HUWE1: variants seen among roughly 807,000 people sequenced by gnomAD.
HUWE1 encodes the protein E3 ubiquitin-protein ligase HUWE1.
In HUWE1, 18 loss-of-function variants were observed where a neutral mutation model predicts 299.4. The observed-to-expected ratio is 0.06, with a 90% confidence interval of 0.04 to 0.09. The LOEUF (loss-of-function observed/expected upper bound fraction) is 0.09. HUWE1 is among the 10% of genes least tolerant of loss of function. The probability of loss-of-function intolerance (pLI) is 1.00; values close to 1 mark genes in which losing one functional copy is unlikely to be tolerated. For synonymous variants in HUWE1, 1,317 were observed against 1,286.1 expected (o/e 1.02, Z -0.51); for missense variants, 1,832 against 3,462.3 (o/e 0.53, Z 11.82).
At chrX:53,668,206 G>A (rs2069343246) in intron 3 of HUWE1, among the ~76,000 whole-genome samples, 1 of 110,370 alleles carries the variant, frequency 9.1e-6, no homozygotes, top group Admixed American at 9.7e-5. Flanking sequence ...CACTTTGGGA[G>A]GCTGAGGTGG....
intron 83 of HUWE1, 40 bp downstream of exon 83, chrX:53,533,967 A>G: frequency 8.6e-7 from 1 of 1,159,091 alleles, no homozygotes; most frequent in Non-Finnish European, 1.2e-6. Flanking sequence ...TGCAAGCTCA[A>G]CCTAAGCACT....
rs112115563 is a variant in HUWE1, at chrX:53,608,997, G to C, written c.2262-88C>G. 4 of 585,071 alleles carry C rather than the reference G, an allele frequency of 6.8e-6. No individual in the cohort carries two copies. In the African/African-American group the frequency reaches 8.9e-5, roughly 13 times the overall value. 48.2% of individuals were successfully genotyped at this position (585,071 alleles called of 1,213,427 possible). On this transcript the variant is annotated intron_variant, in intron 23 of 83. Transcript: ENST00000262854. ...GGAGGAGGCACTGTATAAAATTCTAGGCCTTTTTCTATTTATTTATTTATT... is the reference window on the plus strand; with the variant it reads ...GGAGGAGGCACTGTATAAAATTCTACGCCTTTTTCTATTTATTTATTTATT...
chrX:53,586,999 A>G lies in HUWE1; in HGVS notation c.4615-90T>C, dbSNP rs1159614205. On this transcript the variant is annotated intron_variant, in intron 37 of 83. Coordinates refer to ENST00000262854, the MANE Select transcript of HUWE1 (RefSeq NM_031407.7). ...AGCATGGGATAGGGGAGGGGAACAT[A>G]AGGGTAAATAATAATAGAATTGGTT... 3.1e-6 allele frequency: 3 copies of G among 971,895 alleles called. No homozygotes were observed. The Admixed American group carries it at 6.7e-5, about 22-fold the overall frequency. 80.1% of individuals were successfully genotyped at this position (971,895 alleles called of 1,213,427 possible).
chrX:53,659,995 G>C (rs1049437002), intron 3 of HUWE1, among the ~76,000 whole-genome samples: 8 of 112,269 alleles, frequency 7.1e-5, no homozygotes, highest in African/African-American at 2.6e-4. Flanking sequence ...TAAGCAACTT[G>C]CTCTAATGCT....
Position 53,631,611 on chromosome X carries a change from T to A in HUWE1, c.649A>T (p.Thr217Ser). The A allele has an allele frequency of 8.5e-7, 1 of 1,182,216 alleles. No individual in the cohort carries two copies. Among genetic ancestry groups the A allele is most frequent in the Non-Finnish European group, 1.1e-6 (1 of 869,642 alleles). Residue 217 changes from threonine (T) to serine (S), a missense_variant, in exon 10 of 84, where the codon ACT becomes TCT. Transcript: ENST00000262854. ...GAEVKIEKRT[T>S]SNTLHYIHIE... is the part of the protein sequence containing the mutation. Reference sequence around the variant, plus strand: ...TGAATATAATGTAGTGTGTTACTAGTTGTCTAAAATTAAAAAAGACAAGAG... The same window carrying A: ...TGAATATAATGTAGTGTGTTACTAGATGTCTAAAATTAAAAAAGACAAGAG...
intron 40 of HUWE1, among the ~76,000 whole-genome samples, 191 bp from the exon 41 acceptor site, chrX:53,584,536 A>C (rs1556971321): frequency 9.0e-6 from 1 of 111,548 alleles, no homozygotes; most frequent in Admixed American, 9.5e-5. Flanking sequence ...AGGCCTTATA[A>C]TGAACTGTAG....
At chrX:53,594,454 T>C in intron 31 of HUWE1, 45 bp downstream of exon 31, 1 of 1,197,851 alleles carries the variant, frequency 8.3e-7, no homozygotes, top group Non-Finnish European at 1.1e-6. Flanking sequence ...ACAGCAAAGA[T>C]CAAACTCCAA....
At chrX:53,680,325 C>A in intron 2 of HUWE1, 139 bp from the exon 3 acceptor site, 1 of 270,544 alleles carries the variant, frequency 3.7e-6, no homozygotes. Context: ...TATCTATTTG[C>A]ATTTTTTAGG....
intron 12 of HUWE1, among the ~76,000 whole-genome samples, chrX:53,630,272 G>A (rs2066784341): frequency 8.9e-6 from 1 of 112,118 alleles, no homozygotes; most frequent in African/African-American, 3.2e-5. Flanking sequence ...TTTAAGAGAA[G>A]GCAAGTCATA....
At chrX:53,630,354 T>A (rs184967028) in intron 12 of HUWE1, among the ~76,000 whole-genome samples, 1 of 111,922 alleles carries the variant, frequency 8.9e-6, no homozygotes, top group Non-Finnish European at 1.9e-5. Context: ...CTGTGCTAGA[T>A]TGCTTTCTAG....
chrX:53,604,561 A>T, intron 26 of HUWE1, 28 bp downstream of exon 26: 1 of 1,205,680 alleles, frequency 8.3e-7, no homozygotes, highest in East Asian at 3.0e-5. Flanking sequence ...CTTTAAATTA[A>T]TATGTTCACC....
intron 48 of HUWE1, among the ~76,000 whole-genome samples, chrX:53,569,149 C>T (rs1218411865): frequency 9.0e-6 from 1 of 111,260 alleles, no homozygotes; most frequent in African/African-American, 3.3e-5. Context: ...ACCTCAGCCT[C>T]CCGAGTAGCT....
At chrX:53,548,832 A>T in intron 67 of HUWE1, 127 bp downstream of exon 67, 1 of 588,400 alleles carries the variant, frequency 1.7e-6, no homozygotes, top group Non-Finnish European at 2.8e-6. Flanking sequence ...TCCCCTAGAA[A>T]CAATACAGGG....
intron 43 of HUWE1, among the ~76,000 whole-genome samples, chrX:53,577,536 C>T (rs781877124): frequency 9.8e-6 from 1 of 102,539 alleles, no homozygotes; most frequent in East Asian, 3.2e-4. Flanking sequence ...CCTCTCCCCA[C>T]GGTCTCCTTC....
In HUWE1 at chrX:53,575,687, G is replaced by A. The variant is rs1602749982; in HGVS notation, c.5986C>T (p.Arg1996Cys). ...DVYQQYRSLT[R>C]QSSDFDTQSG... ...TGCGTATCAAAGTCACTGCTCTGACGCGTAAGTGACCGGTACTGCTGGTAT... is the reference window on the plus strand; with the variant it reads ...TGCGTATCAAAGTCACTGCTCTGACACGTAAGTGACCGGTACTGCTGGTAT... Residue 1996 changes from arginine (R) to cysteine (C), a missense_variant, in exon 45 of 84, where the codon CGT becomes TGT. Coordinates refer to ENST00000262854, the MANE Select transcript of HUWE1 (RefSeq NM_031407.7). 1.7e-5 allele frequency: 20 copies of A among 1,210,886 alleles called. No individual in the cohort carries two copies. Among genetic ancestry groups the A allele is most frequent in the Non-Finnish European group, 2.2e-5 (20 of 894,487 alleles).
chrX:53,545,574 G>A (rs1052665156), intron 70 of HUWE1, among the ~76,000 whole-genome samples: 3 of 111,760 alleles, frequency 2.7e-5, no homozygotes, highest in East Asian at 5.6e-4. Flanking sequence ...ACCTCATAAC[G>A]TTGCTGTGAC....
chrX:53,536,711 C>G (rs192029461), intron 78 of HUWE1, 44 bp from the exon 79 acceptor site: 21 of 1,089,004 alleles, frequency 1.9e-5, no homozygotes, highest in Non-Finnish European at 2.7e-5. Flanking sequence ...GCAGAAAACC[C>G]AGGATACATC....
Position 53,583,608 on chromosome X carries a change from A to C in HUWE1, c.5470T>G (p.Leu1824Val), listed in dbSNP as rs782742135. ...NGFTPLVTLLLRHIIEDPCTL... is the reference protein window; with the variant it reads ...NGFTPLVTLLVRHIIEDPCTL... ...CAGGGGTCCTCAATGATGTGTCTTA[A>C]GAGAAGGGTGACCAGGGGAGTAAAC... is the stretch of plus-strand genomic sequence containing the variant. Residue 1824 changes from leucine (L) to valine (V), a missense_variant, in exon 42 of 84, where the codon TTA (leucine) becomes GTA (valine). Transcript: ENST00000262854. The C allele has an allele frequency of 1.7e-6, 2 of 1,211,111 alleles. No homozygotes were observed. Among genetic ancestry groups the C allele is most frequent in the South Asian group, 3.5e-5 (2 of 56,966 alleles).
chrX:53,634,732 GCACTAGGGAGGAAAT>G (rs1388566324), intron 7 of HUWE1, among the ~76,000 whole-genome samples: 6 of 112,400 alleles, frequency 5.3e-5, no homozygotes, highest in Non-Finnish European at 5.6e-5. Flanking sequence ...AGGGAGGAAA[GCACTAGGGAGGAAAT>G]CATGCTTTCC....
Sources: allele counts gnomAD v4.1 joint callset (sites outside exome capture counted in the v4.1 genomes callset), GRCh38; gene constraint gnomAD v4.1.1; transcripts MANE v1.5; gene names NCBI Gene and HGNC (gene_info 2026-07-23, HGNC 2026-07-21).